Variants in CHL1 observed in about 807,000 individuals in gnomAD.
CHL1 encodes neural cell adhesion molecule L1-like protein.
A neutral mutation model predicts 141.9 loss-of-function variants in CHL1; 96 were observed. That is an observed-to-expected ratio of 0.68 (90% confidence interval 0.57 to 0.80). The LOEUF is 0.80. Among genes scored for constraint, CHL1 ranks in the 30% least tolerant of loss-of-function variants. The pLI is 0.00. For missense variants in CHL1, 1,820 were observed against 1,457.2 expected (o/e 1.25, Z -4.05); for synonymous variants, 613 against 502.2 (o/e 1.22, Z -2.95).
At chr3:305,984 A>G (rs1380860271) in intron 2 of CHL1, among the ~76,000 whole-genome samples, 1 of 152,210 alleles carries the variant, frequency 6.6e-6, no homozygotes, top group Non-Finnish European at 1.5e-5. Flanking sequence ...AGTAAACTGC[A>G]CATTATATCC....
chr3:219,882 A>G (rs1256182157), intron 1 of CHL1, among the ~76,000 whole-genome samples: 1 of 152,222 alleles, frequency 6.6e-6, no homozygotes, highest in Non-Finnish European at 1.5e-5. Context: ...AAAAACTCAA[A>G]TGGCCAAAAT....
chr3:286,142 C>T (rs1377020386), intron 2 of CHL1, among the ~76,000 whole-genome samples: 1 of 152,104 alleles, frequency 6.6e-6, no homozygotes, highest in Non-Finnish European at 1.5e-5. Flanking sequence ...ATGTCTCTGC[C>T]CACCCTACCC....
At chr3:325,149 G>A (rs532054498) in intron 3 of CHL1, among the ~76,000 whole-genome samples, 4 of 148,784 alleles carry the variant, frequency 2.7e-5, no homozygotes, top group Non-Finnish European at 5.9e-5. Flanking sequence ...GCCCATGAAA[G>A]AACATTTATT....
intron 2 of CHL1, among the ~76,000 whole-genome samples, chr3:253,758 A>T (rs796639635): frequency 2.6e-5 from 4 of 152,268 alleles, no homozygotes; most frequent in African/African-American, 9.6e-5. Flanking sequence ...GCTGTTGGAA[A>T]ACCTCTACCA....
intron 10 of CHL1, among the ~76,000 whole-genome samples, chr3:350,135 T>C (rs562063399): frequency 6.6e-6 from 1 of 152,332 alleles, no homozygotes; most frequent in South Asian, 2.1e-4. Context: ...GCTATAATAT[T>C]AATTCTCTCA....
At chr3:287,272 T>C (rs1377611996) in intron 2 of CHL1, among the ~76,000 whole-genome samples, 1 of 152,142 alleles carries the variant, frequency 6.6e-6, no homozygotes, top group Non-Finnish European at 1.5e-5. Context: ...AGTAGGTCAG[T>C]GAAGAAATCT....
intron 5 of CHL1, among the ~76,000 whole-genome samples, chr3:339,677 G>T (rs1335661445): frequency 6.6e-6 from 1 of 152,206 alleles, no homozygotes; most frequent in Non-Finnish European, 1.5e-5. Flanking sequence ...GCATCGATAA[G>T]AGAAATGTCA....
chr3:346,936 G>A (rs1331009243), intron 9 of CHL1, among the ~76,000 whole-genome samples: 1 of 152,094 alleles, frequency 6.6e-6, no homozygotes, highest in Non-Finnish European at 1.5e-5. Context: ...TTACTTGAAA[G>A]AATAAAGTAA....
chr3:336,824 G>C (rs763345608), intron 5 of CHL1, among the ~76,000 whole-genome samples: 10 of 152,174 alleles, frequency 6.6e-5, no homozygotes, highest in African/African-American at 1.2e-4. Context: ...TGAAGTCATA[G>C]AGCTCCTGCA....
intron 11 of CHL1, among the ~76,000 whole-genome samples, chr3:358,533 T>C (rs1411538848): frequency 6.6e-6 from 1 of 152,184 alleles, no homozygotes; most frequent in Non-Finnish European, 1.5e-5. Flanking sequence ...GGGGCTATTG[T>C]TTTGCCTACT....
chr3:322,379 C>T (rs534487344), intron 3 of CHL1, among the ~76,000 whole-genome samples: 4 of 151,812 alleles, frequency 2.6e-5, no homozygotes, highest in Non-Finnish European at 4.4e-5. Flanking sequence ...GCTGTCAATG[C>T]TCAAAATGTG....
intron 5 of CHL1, among the ~76,000 whole-genome samples, chr3:333,915 T>A (rs999374089): frequency 2.0e-4 from 31 of 152,278 alleles, no homozygotes; most frequent in African/African-American, 5.3e-4. Flanking sequence ...GCCTAGATAA[T>A]TTTTTTCCTT....
At chr3:268,374 A>C (rs1163183516) in intron 2 of CHL1, among the ~76,000 whole-genome samples, 1 of 151,930 alleles carries the variant, frequency 6.6e-6, no homozygotes, top group Non-Finnish European at 1.5e-5. Context: ...TCTCTACTAA[A>C]AAATACAAAA....
intron 1 of CHL1, among the ~76,000 whole-genome samples, chr3:219,265 T>G (rs1327651289): frequency 1.3e-5 from 2 of 152,114 alleles, no homozygotes; most frequent in African/African-American, 4.8e-5. Flanking sequence ...GACAGTGTGG[T>G]GACTCCTCAA....
Position 356,658 on chromosome 3 carries a change from G to A in CHL1, c.1165+1887G>A, listed in dbSNP as rs1703743322. 4.6e-5 allele frequency among the ~76,000 whole-genome samples: 7 copies of A among 152,124 alleles called. No individual in the cohort carries two copies. In the South Asian group the frequency reaches 1.5e-3, roughly 32 times the overall value. On this transcript the variant is annotated intron_variant, in intron 11 of 27. Transcript: ENST00000256509. Reference sequence around the variant, plus strand: ...GGTAATTTACCTTTGAGTGGAGATGGGAAGGAAGTGAGGAAGTCAGCCACC... The same window carrying A: ...GGTAATTTACCTTTGAGTGGAGATGAGAAGGAAGTGAGGAAGTCAGCCACC...
At chr3:232,534 A>G (rs1162880818) in intron 1 of CHL1, among the ~76,000 whole-genome samples, 8 of 152,130 alleles carry the variant, frequency 5.3e-5, no homozygotes, top group African/African-American at 1.9e-4. Flanking sequence ...CATTAGAGTC[A>G]CTTATTTATG....
At chr3:241,337 A>G (rs1035724557) in intron 1 of CHL1, among the ~76,000 whole-genome samples, 2 of 152,202 alleles carry the variant, frequency 1.3e-5, no homozygotes, top group Admixed American at 6.5e-5. Context: ...TGAGCATCTA[A>G]TGAAGTCATA....
intron 16 of CHL1, among the ~76,000 whole-genome samples, chr3:379,952 C>T (rs1420992070): frequency 6.6e-6 from 1 of 152,012 alleles, no homozygotes. Context: ...CATACTTGAC[C>T]CCCTTTAATC....
At chr3:256,489 G>C (rs750155459) in intron 2 of CHL1, among the ~76,000 whole-genome samples, 2 of 152,178 alleles carry the variant, frequency 1.3e-5, no homozygotes, top group African/African-American at 4.8e-5. Flanking sequence ...GAGTGATTTC[G>C]CCCTTCAGGA....
Sources: allele counts gnomAD v4.1 joint callset (sites outside exome capture counted in the v4.1 genomes callset), GRCh38; gene constraint gnomAD v4.1.1; transcripts MANE v1.5; gene names NCBI Gene and HGNC (gene_info 2026-07-23, HGNC 2026-07-21).